The following BUD13 variants were observed in gnomAD, a reference collection of about 807,000 sequenced individuals.
BUD13 encodes the protein BUD13 spliceosome associated protein, also known as BUD13 homolog.
BUD13 carries 47 observed loss-of-function variants against 62.5 expected under a neutral mutation model. The observed-to-expected ratio is 0.75, with a 90% CI of 0.60 to 0.96. The LOEUF (loss-of-function observed/expected upper bound fraction) is 0.96. Among genes scored for constraint, BUD13 ranks in the 40% least tolerant of loss-of-function variants. BUD13 has a pLI of 0.00. For synonymous variants in BUD13, 293 were observed against 280.1 expected (o/e 1.05, Z -0.46); for missense variants, 821 against 790.9 (o/e 1.04, Z -0.46).
intron 2 of BUD13, among the ~76,000 whole-genome samples, chr11:116,767,659 A>G (rs1319863686): frequency 6.7e-6 from 1 of 149,792 alleles, no homozygotes; most frequent in African/African-American, 2.5e-5. Context: ...TAGGTTTGCT[A>G]TTGGTTTTGT....
intron 6 of BUD13, 34 bp downstream of exon 6, chr11:116,759,040 G>A (rs1940384331): frequency 2.1e-6 from 3 of 1,455,806 alleles, no homozygotes; most frequent in East Asian, 2.3e-5. Flanking sequence ...AACAGTATGA[G>A]CCTAAATTGG....
In BUD13 at chr11:116,757,142, T is replaced by C; in HGVS notation, c.1766+4A>G. ...TAGAAAATGTAAGAAATACCCAGGC[T>C]TACCTGTCCACTCCGTCCCAGCGAT... On this transcript the variant is annotated splice_donor_region_variant and intron_variant, in intron 9 of 9. Transcript: ENST00000260210. 1 of 1,613,856 alleles carries C rather than the reference T, an allele frequency of 6.2e-7. No homozygotes were observed. Among genetic ancestry groups the C allele is most frequent in the Non-Finnish European group, 8.5e-7 (1 of 1,179,740 alleles).
intron 9 of BUD13, among the ~76,000 whole-genome samples, chr11:116,752,468 G>A: frequency 6.7e-6 from 1 of 148,686 alleles, no homozygotes; most frequent in East Asian, 2.0e-4. Flanking sequence ...AAAAGCAACT[G>A]AGAAAAATGA....
intron 3 of BUD13, among the ~76,000 whole-genome samples, chr11:116,764,589 G>A (rs1940496324): frequency 6.6e-6 from 1 of 152,150 alleles, no homozygotes; most frequent in African/African-American, 2.4e-5. Context: ...GTGTCTGTGT[G>A]TCTTCCTAGA....
At chr11:116,770,265 C>A (rs748546924) in intron 1 of BUD13, 43 bp from the exon 2 acceptor site, 6 of 1,522,768 alleles carry the variant, frequency 3.9e-6, no homozygotes, top group African/African-American at 1.4e-5. Context: ...TTCTAGGATA[C>A]CAGCATAAAA....
At position 116,748,419 on chromosome 11, in the gene BUD13, A is replaced by G; in HGVS notation, c.*63T>C. On this transcript the variant is annotated 3_prime_UTR_variant, in exon 10 of 10. Transcript: ENST00000260210. ...ATTATTAGCACAGACAACTGTTACCACTGGATATCTCGCTGCCTATGCCCA... is the reference window on the plus strand; with the variant it reads ...ATTATTAGCACAGACAACTGTTACCGCTGGATATCTCGCTGCCTATGCCCA... The G allele has an allele frequency of 7.0e-7, 1 of 1,419,894 alleles. No homozygotes were observed. The highest frequency in any genetic ancestry group is 1.0e-6 in the Non-Finnish European group (1 of 1,004,528). The allele number at this position is 1,419,894 out of a possible 1,614,324, so 88.0% of individuals were successfully genotyped here.
chr11:116,770,149 C>G lies in BUD13; in HGVS notation c.217G>C (p.Asp73His), dbSNP rs758106000. The G allele has an allele frequency of 6.2e-7, 1 of 1,612,812 alleles. No homozygotes were observed. The highest frequency in any genetic ancestry group is 1.3e-5 in the African/African-American group (1 of 74,792). Residue 73 changes from aspartate to histidine, a missense_variant, in exon 2 of 10, where the codon GAT becomes CAT. Transcript: ENST00000260210. ...CATACCACAGGCAAATCTCCATCAT[C>G]TTCCTCTTCCTCCTTTTCTAGTTTG... ...TTKLEKEEEE[D>H]DGDLPVVAEF...
intron 4 of BUD13, among the ~76,000 whole-genome samples, chr11:116,761,511 A>G (rs937513948): frequency 3.9e-5 from 6 of 152,330 alleles, no homozygotes; most frequent in African/African-American, 1.4e-4. Context: ...TAAGACCAAC[A>G]GGTAGAATAT....
At chr11:116,764,378 A>T (rs981825066) in intron 3 of BUD13, among the ~76,000 whole-genome samples, 9 of 152,328 alleles carry the variant, frequency 5.9e-5, no homozygotes, top group South Asian at 2.1e-4. Context: ...GAAAAGTATG[A>T]TGTCTGTGGG....
intron 2 of BUD13, among the ~76,000 whole-genome samples, chr11:116,767,046 G>T (rs1395125232): frequency 1.3e-5 from 2 of 151,998 alleles, no homozygotes; most frequent in Non-Finnish European, 2.9e-5. Context: ...AAATTAGCTG[G>T]GCATGGTGGC....
chr11:116,767,692 T>C (rs547937222), intron 2 of BUD13, among the ~76,000 whole-genome samples: 1 of 151,420 alleles, frequency 6.6e-6, no homozygotes, highest in Non-Finnish European at 1.5e-5. Flanking sequence ...CCTTCAATAT[T>C]GGTGGGGCAT....
In BUD13 at chr11:116,755,899, G is replaced by C. The variant is rs187154451; in HGVS notation, c.1766+1247C>G. Among the ~76,000 whole-genome samples, 47 of 151,944 alleles carry C rather than the reference G, an allele frequency of 3.1e-4. 2 individuals are homozygous for C. Among genetic ancestry groups the C allele is most frequent in the Admixed American group, 2.8e-3 (42 of 15,236 alleles). On this transcript the variant is annotated intron_variant, in intron 9 of 9. Transcript: ENST00000260210. ...TAATCCACATCAACAAAAGCTTTTT[G>C]AGGTCATCAGTAATTTTTAAGAGCG...
At chr11:116,759,050 G>A in intron 6 of BUD13, 24 bp downstream of exon 6, 17 of 1,541,218 alleles carry the variant, frequency 1.1e-5, no homozygotes, top group Non-Finnish European at 1.5e-5. Context: ...GCCTAAATTG[G>A]TCTCTGCACT....
chr11:116,749,336 A>G (rs1343385317), intron 9 of BUD13, among the ~76,000 whole-genome samples: 1 of 152,252 alleles, frequency 6.6e-6, no homozygotes, highest in Non-Finnish European at 1.5e-5. Context: ...AAATAAATTA[A>G]AAGAACAGCA....
intron 4 of BUD13, among the ~76,000 whole-genome samples, chr11:116,762,090 T>G (rs1940440667): frequency 6.6e-6 from 1 of 152,336 alleles, no homozygotes; most frequent in East Asian, 1.9e-4. Flanking sequence ...TATTAAAAAT[T>G]ATACTAACAT....
At chr11:116,755,730 G>T (rs1207018847) in intron 9 of BUD13, among the ~76,000 whole-genome samples, 2 of 151,948 alleles carry the variant, frequency 1.3e-5, no homozygotes. Context: ...CCATCCTTCT[G>T]TTTTTTCACT....
chr11:116,758,483 G>C, intron 6 of BUD13, 76 bp from the exon 7 acceptor site: 2 of 1,512,214 alleles, frequency 1.3e-6, no homozygotes, highest in South Asian at 1.2e-5. Context: ...TCAACCGCTT[G>C]GGATTCTAAT....
intron 1 of BUD13, among the ~76,000 whole-genome samples, chr11:116,770,707 G>C (rs1462933937): frequency 6.6e-6 from 1 of 152,090 alleles, no homozygotes; most frequent in African/African-American, 2.4e-5. Flanking sequence ...TGTTAGTCAG[G>C]ATGGTCTCGA....
At chr11:116,759,689 A>G (rs1017692122) in intron 5 of BUD13, among the ~76,000 whole-genome samples, 2 of 152,240 alleles carry the variant, frequency 1.3e-5, no homozygotes, top group Non-Finnish European at 2.9e-5. Flanking sequence ...AGCACACAGT[A>G]TATCTTGATA....
Sources: gnomAD v4.1 joint callset for allele counts (sites outside exome capture counted in the v4.1 genomes callset) on GRCh38, gnomAD v4.1.1 for gene constraint, MANE v1.5 for transcripts, NCBI Gene and HGNC (gene_info 2026-07-23, HGNC 2026-07-21) for gene names.